The following NOTCH2 variants were observed in gnomAD, a reference collection of about 807,000 sequenced individuals.
The protein encoded by NOTCH2 is neurogenic locus notch homolog protein 2.
In NOTCH2, 29 loss-of-function variants were observed where a neutral mutation model predicts 235.8. The ratio of observed to expected loss-of-function variants is 0.12; its 90% confidence interval spans 0.09 to 0.17. The LOEUF (loss-of-function observed/expected upper bound fraction) is 0.17, where lower values mean the gene tolerates loss of function less well. Ranked by LOEUF, NOTCH2 falls within the 10% of genes least tolerant of loss-of-function variation. NOTCH2 has a pLI of 1.00. For missense variants in NOTCH2, 2,285 were observed against 3,150.2 expected (o/e 0.73, Z 6.57); for synonymous variants, 1,086 against 1,141.5 (o/e 0.95, Z 0.98).
At position 119,997,294 on chromosome 1, in the gene NOTCH2, G is replaced by A. The variant is rs1553204352; in HGVS notation, c.454C>T (p.Pro152Ser). Residue 152 changes from proline to serine, a missense_variant, in exon 4 of 34, where the codon CCC (proline) becomes TCC (serine). By Grantham distance (74) the Pro-to-Ser change is moderately conservative (BLOSUM62 -1). This residue lies in a region of NOTCH2 where 431 missense variants were observed against 757.8 expected (regional missense o/e 0.57). Transcript: ENST00000256646. Reference sequence around the variant, plus strand: ...GTACAGGTACTTCCATTTGCACAGGGATGAGACAGGCAGGCATCCGTCCAT... The same window carrying A: ...GTACAGGTACTTCCATTTGCACAGGAATGAGACAGGCAGGCATCCGTCCAT... ...CQWTDACLSH[P>S]CANGSTCTTV... is the part of the protein sequence containing the mutation. 11 of 1,614,008 alleles carry A rather than the reference G, an allele frequency of 6.8e-6. No individual in the cohort carries two copies. The highest frequency in any genetic ancestry group is 3.3e-5 in the Admixed American group (2 of 60,020).
At chr1:119,970,460 T>A (rs782411399) in intron 5 of NOTCH2, among the ~76,000 whole-genome samples, 14 of 152,118 alleles carry the variant, frequency 9.2e-5, no homozygotes, top group Non-Finnish European at 1.8e-4. Context: ...GAGGCACCCA[T>A]ACTTAAAGGA....
chr1:119,948,446 T>C lies in NOTCH2; in HGVS notation c.2720A>G (p.Asp907Gly). 6 of 1,614,166 alleles carry C rather than the reference T, an allele frequency of 3.7e-6. No individual in the cohort carries two copies. The highest frequency in any genetic ancestry group is 1.7e-5 in the Admixed American group (1 of 60,016). Residue 907 changes from aspartate (D) to glycine (G), a missense_variant, in exon 17 of 34, where the codon GAC becomes GGC. This residue lies in a region of NOTCH2 where 1,173 missense variants were observed against 1,515.3 expected (regional missense o/e 0.77). Coordinates refer to ENST00000256646, the MANE Select transcript of NOTCH2 (RefSeq NM_024408.4). ...GCAGTCATCAATGTCCTCCTCACAG[T>C]CCATACCACTGAAGCCTGGTGGACA... ...CECPPGFSGM[D>G]CEEDIDDCLA...
intron 2 of NOTCH2, among the ~76,000 whole-genome samples, chr1:120,014,298 C>A (rs587685911): frequency 3.2e-4 from 48 of 152,252 alleles, no homozygotes; most frequent in African/African-American, 1.2e-3. Flanking sequence ...GGCACAGTGG[C>A]TCACACCTGT....
At chr1:119,966,831 A>G (rs1367506542) in intron 8 of NOTCH2, among the ~76,000 whole-genome samples, 1 of 152,206 alleles carries the variant, frequency 6.6e-6, no homozygotes, top group Non-Finnish European at 1.5e-5. Context: ...GTTCCTAAAG[A>G]CAAGCTGAGC....
chr1:119,961,532 A>G (rs1553198970), intron 11 of NOTCH2, among the ~76,000 whole-genome samples: 1 of 152,222 alleles, frequency 6.6e-6, no homozygotes, highest in South Asian at 2.1e-4. Context: ...CCAGTTTCCT[A>G]TTCTTTTCTC....
chr1:120,051,319 T>A (rs587657556), intron 1 of NOTCH2, among the ~76,000 whole-genome samples: 1 of 64,512 alleles, frequency 1.6e-5, no homozygotes, highest in Non-Finnish European at 2.5e-5. Context: ...ATTCAGATAT[T>A]CAAATTTTTT....
intron 1 of NOTCH2, among the ~76,000 whole-genome samples, chr1:120,060,399 GTATAT>G (rs1553215997): frequency 1.4e-5 from 2 of 147,102 alleles, no homozygotes; most frequent in African/African-American, 4.9e-5. Context: ...GTTGACAATA[GTATAT>G]TATGTGTGTG....
intron 1 of NOTCH2, among the ~76,000 whole-genome samples, chr1:120,037,893 A>G (rs1277145507): frequency 2.0e-5 from 3 of 152,118 alleles, no homozygotes; most frequent in African/African-American, 7.2e-5. Context: ...AAGAAAATAT[A>G]ATCAATGATA....
chr1:119,914,635 T>C lies in NOTCH2; in HGVS notation c.*671A>G, dbSNP rs142378765. ...AGAACACAATACAGTATGTCCATTTTCCAAAGAAACAACATACTTGAAAGG... is the reference window on the plus strand; with the variant it reads ...AGAACACAATACAGTATGTCCATTTCCCAAAGAAACAACATACTTGAAAGG... On this transcript the variant is annotated 3_prime_UTR_variant, in exon 34 of 34. Transcript: ENST00000256646. 2 of 239,468 alleles carry C rather than the reference T, an allele frequency of 8.4e-6. No individual in the cohort carries two copies. Among genetic ancestry groups the C allele is most frequent in the South Asian group, 1.6e-4 (1 of 6,182 alleles). 14.8% of individuals were successfully genotyped at this position (239,468 alleles called of 1,614,324 possible).
chr1:120,010,095 C>T (rs1382519174), intron 2 of NOTCH2, among the ~76,000 whole-genome samples: 1 of 152,072 alleles, frequency 6.6e-6, no homozygotes, highest in African/African-American at 2.4e-5. Context: ...CTTCCACACA[C>T]AATTTAAAGT....
At chr1:120,045,770 G>A (rs1225547743) in intron 1 of NOTCH2, among the ~76,000 whole-genome samples, 90 of 152,308 alleles carry the variant, frequency 5.9e-4, no homozygotes, top group Non-Finnish European at 1.1e-3. Flanking sequence ...TATTTGAAAC[G>A]TGGGGAGTAA....
intron 1 of NOTCH2, 34 bp downstream of exon 1, chr1:120,069,300 C>A (rs781955588): frequency 8.4e-6 from 13 of 1,539,638 alleles, no homozygotes; most frequent in South Asian, 7.1e-5. Flanking sequence ...CAGCCCCGGG[C>A]GCCGCGGACA....
chr1:119,936,873 A>G (rs1400905607), intron 21 of NOTCH2, among the ~76,000 whole-genome samples: 1 of 151,678 alleles, frequency 6.6e-6, no homozygotes, highest in Non-Finnish European at 1.5e-5. Flanking sequence ...TTTTTGAGAG[A>G]AAATTGCTAG....
intron 17 of NOTCH2, among the ~76,000 whole-genome samples, chr1:119,942,811 A>G (rs1197690367): frequency 6.6e-6 from 1 of 152,022 alleles, no homozygotes; most frequent in Non-Finnish European, 1.5e-5. Flanking sequence ...TTCTCCATCA[A>G]TTGTGCCTTG....
At chr1:119,953,101 C>T (rs1291460136) in intron 14 of NOTCH2, among the ~76,000 whole-genome samples, 6 of 152,162 alleles carry the variant, frequency 3.9e-5, no homozygotes, top group Non-Finnish European at 8.8e-5. Context: ...CACCTGAGGT[C>T]AGGAGTTCAT....
At chr1:119,924,039 T>C (rs1649378594) in intron 25 of NOTCH2, 55 bp from the exon 26 acceptor site, 2 of 1,443,560 alleles carry the variant, frequency 1.4e-6, no homozygotes, top group South Asian at 2.3e-5. Flanking sequence ...ACTGGAGCTC[T>C]ATTTGCTTTT....
chr1:120,008,963 T>G (rs1262077122), intron 2 of NOTCH2, among the ~76,000 whole-genome samples: 1 of 150,506 alleles, frequency 6.6e-6, no homozygotes, highest in Non-Finnish European at 1.5e-5. Flanking sequence ...GGGATGAGGG[T>G]GTGGGGTGAG....
At chr1:119,965,942 AG>A (rs201665222) in intron 9 of NOTCH2, among the ~76,000 whole-genome samples, 4,887 of 152,270 alleles carry the variant, frequency 0.032, 113 homozygotes, top group Non-Finnish European at 0.049. Flanking sequence ...AAATAGCTTG[AG>A]GAAAAAAAAG....
chr1:119,922,601 C>T (rs2101155703), intron 27 of NOTCH2, 35 bp downstream of exon 27: 3 of 1,613,280 alleles, frequency 1.9e-6, no homozygotes, highest in Non-Finnish European at 2.5e-6. Context: ...CACTCTTCCC[C>T]CGCCACCTTT....
Sources: allele counts gnomAD v4.1 joint callset (sites outside exome capture counted in the v4.1 genomes callset), GRCh38; gene constraint gnomAD v4.1.1; regional missense constraint gnomAD v4.1.1; transcripts MANE v1.5; gene names NCBI Gene and HGNC (gene_info 2026-07-23, HGNC 2026-07-21).